PHF14: variants seen among roughly 807,000 people sequenced by gnomAD.
The protein encoded by PHF14 is PHD finger protein 14.
A neutral mutation model predicts 117.9 loss-of-function variants in PHF14; 55 were observed. The ratio of observed to expected loss-of-function variants is 0.47; its 90% CI spans 0.38 to 0.58. The LOEUF (loss-of-function observed/expected upper bound fraction) is 0.58, where lower values mean the gene tolerates loss of function less well. Among genes scored for constraint, PHF14 ranks in the 20% least tolerant of loss-of-function variants. The probability of loss-of-function intolerance (pLI) is 0.00; values close to 1 mark genes in which losing one functional copy is unlikely to be tolerated. For synonymous variants in PHF14, 409 were observed against 368.6 expected, an observed-to-expected ratio of 1.11 and a Z score of -1.26; for missense variants, 978 against 1,122.2, an observed-to-expected ratio of 0.87 and a Z score of 1.84.
chr7:11,020,238 G>A (rs558544683), intron 5 of PHF14, among the ~76,000 whole-genome samples: 2 of 151,982 alleles, frequency 1.3e-5, no homozygotes, highest in South Asian at 2.1e-4. Context: ...ATAGGTGTGC[G>A]CCACCACACC....
chr7:11,110,214 A>G (rs1040952191), intron 16 of PHF14: 1 of 151,874 alleles, frequency 6.6e-6, no homozygotes, highest in Non-Finnish European at 1.5e-5. Flanking sequence ...AGGTTATTGA[A>G]TAGTAGTTTT....
chr7:11,070,962 CTT>C (rs1785596394), intron 16 of PHF14, among the ~76,000 whole-genome samples: 3 of 152,116 alleles, frequency 2.0e-5, no homozygotes, highest in Admixed American at 2.0e-4. Context: ...AATATAAAAA[CTT>C]TTAAAATTAC....
At chr7:11,165,795 T>G (rs188754910) in intron 17 of PHF14, among the ~76,000 whole-genome samples, 132 of 152,304 alleles carry the variant, frequency 8.7e-4, no homozygotes, top group African/African-American at 2.9e-3. Context: ...TATCACAAAT[T>G]GATAGTGCAA....
chr7:11,169,431 G>T lies in PHF14; in HGVS notation c.2788G>T (p.Ala930Ser), dbSNP rs371122029. The change falls in exon 18 of 18, where the codon GCT becomes TCT. Residue 930 changes from alanine (A) to serine (S), a missense_variant. By Grantham distance (99) the Ala-to-Ser change is moderately conservative. Coordinates refer to ENST00000634607, the MANE Select transcript of PHF14 (RefSeq NM_001007157.2). Reference protein sequence around the residue: ...SSSSKEDENEAERKNISQELN... With the variant: ...SSSSKEDENESERKNISQELN... Reference sequence around the variant, plus strand: ...TATTTCACAGGAAGATGAAAATGAAGCTGAAAGAAAAAATATATCTCAGGA... The same window carrying T: ...TATTTCACAGGAAGATGAAAATGAATCTGAAAGAAAAAATATATCTCAGGA... 5.4e-6 allele frequency: 8 copies of T among 1,471,298 alleles called. No homozygotes were observed. The highest frequency in any genetic ancestry group is 7.4e-6 in the Non-Finnish European group (8 of 1,078,308). The allele number at this position is 1,471,298 out of a possible 1,614,324, so 91.1% of individuals were successfully genotyped here.
intron 14 of PHF14, 90 bp from the exon 15 acceptor site, chr7:11,061,701 T>C: frequency 1.9e-6 from 2 of 1,026,980 alleles, no homozygotes; most frequent in South Asian, 2.6e-5. Flanking sequence ...AGCAATAACA[T>C]TTAACAGAGG....
chr7:10,992,532 T>A (rs1403576563), intron 4 of PHF14, among the ~76,000 whole-genome samples: 1 of 151,616 alleles, frequency 6.6e-6, no homozygotes, highest in African/African-American at 2.4e-5. Flanking sequence ...GCGTGGTGGC[T>A]TATACCTGTA....
intron 17 of PHF14, among the ~76,000 whole-genome samples, chr7:11,168,441 TTATA>T (rs1789274320): frequency 6.6e-6 from 1 of 152,344 alleles, no homozygotes; most frequent in East Asian, 1.9e-4. Flanking sequence ...TGCTTTTACT[TTATA>T]AAGTCAATTC....
rs149209243 is a variant in PHF14, at chr7:10,987,750, C to T, written c.901-2953C>T. Among the ~76,000 whole-genome samples the T allele has an allele frequency of 5.8e-3, 878 of 151,886 alleles. 1 individual carries two copies. The highest frequency in any genetic ancestry group is 8.8e-3 in the Non-Finnish European group (597 of 67,922). ...TCAGCTTAACTACTTTCTCTGAAACCTTGAAAGATGATATACGTCTTCAGA... is the reference window on the plus strand; with the variant it reads ...TCAGCTTAACTACTTTCTCTGAAACTTTGAAAGATGATATACGTCTTCAGA... On this transcript the variant is annotated intron_variant, in intron 3 of 17. Transcript: ENST00000634607.
At chr7:10,998,877 A>C (rs184918777) in intron 4 of PHF14, among the ~76,000 whole-genome samples, 1 of 152,286 alleles carries the variant, frequency 6.6e-6, no homozygotes, top group East Asian at 1.9e-4. Flanking sequence ...TTCTTAAGTC[A>C]TTCTTAGGTC....
Position 11,163,978 on chromosome 7 carries a change from A to G in PHF14, c.2773-5438A>G, listed in dbSNP as rs537139120. ...CCCTAAAAGCTATATATGTATTCTT[A>G]CACTTTTAAAAGAAACATTATTAAA... On this transcript the variant is annotated intron_variant, in intron 17 of 17. Coordinates refer to ENST00000634607, the MANE Select transcript of PHF14 (RefSeq NM_001007157.2). Among the ~76,000 whole-genome samples the G allele has an allele frequency of 5.9e-5, 9 of 152,332 alleles. No individual in the cohort carries two copies. The South Asian group carries it at 1.7e-3, about 28-fold the overall frequency.
rs1013650811 is a variant in PHF14, at chr7:11,027,142, T to A, written c.1318-1539T>A. ...TGAAATCCCTTGCTCAATTTCAACA[T>A]ATTACATGAAATTATCCAGATAATC... On this transcript the variant is annotated intron_variant, in intron 6 of 17. Coordinates refer to ENST00000634607, the MANE Select transcript of PHF14 (RefSeq NM_001007157.2). 5.9e-5 allele frequency among the ~76,000 whole-genome samples: 9 copies of A among 152,200 alleles called. No homozygotes were observed. In the East Asian group the frequency reaches 1.7e-3, roughly 29 times the overall value.
At chr7:11,104,470 T>G in intron 16 of PHF14, 1 of 979,042 alleles carries the variant, frequency 1.0e-6, no homozygotes, top group Non-Finnish European at 1.2e-6. Context: ...AGGAGAAAAT[T>G]GATGTGTGCT....
intron 16 of PHF14, among the ~76,000 whole-genome samples, chr7:11,065,041 G>A (rs1305945174): frequency 6.6e-6 from 1 of 152,010 alleles, no homozygotes; most frequent in Non-Finnish European, 1.5e-5. Flanking sequence ...GTCAGAAAAT[G>A]TACATGTCCT....
chr7:11,018,971 C>G (rs781465492), intron 5 of PHF14, among the ~76,000 whole-genome samples: 1 of 152,078 alleles, frequency 6.6e-6, no homozygotes, highest in Non-Finnish European at 1.5e-5. Flanking sequence ...TTATTAAATG[C>G]TTTTTCAGCA....
intron 2 of PHF14, among the ~76,000 whole-genome samples, chr7:10,979,827 T>G (rs1781993612): frequency 1.3e-5 from 2 of 152,100 alleles, no homozygotes; most frequent in South Asian, 4.1e-4. Context: ...AAAGATAAAA[T>G]TTGATATATT....
At chr7:11,104,022 C>T in intron 16 of PHF14, 1 of 985,006 alleles carries the variant, frequency 1.0e-6, no homozygotes, top group South Asian at 4.7e-5. Flanking sequence ...AGCAAAATGA[C>T]AGATTGCCAT....
intron 14 of PHF14, among the ~76,000 whole-genome samples, chr7:11,057,164 A>G (rs1244455784): frequency 1.3e-5 from 2 of 152,154 alleles, no homozygotes; most frequent in Non-Finnish European, 2.9e-5. Context: ...TAGTTTACTG[A>G]TATCAAAGAT....
At chr7:11,019,421 T>C (rs1005380108) in intron 5 of PHF14, among the ~76,000 whole-genome samples, 1 of 152,184 alleles carries the variant, frequency 6.6e-6, no homozygotes. Context: ...TCTCGTTACT[T>C]GTTATTGGTC....
At chr7:11,149,884 C>G (rs566588585) in intron 17 of PHF14, among the ~76,000 whole-genome samples, 9 of 151,918 alleles carry the variant, frequency 5.9e-5, no homozygotes, top group East Asian at 3.9e-4. Flanking sequence ...TACTTCATAT[C>G]TTTCTCTTTT....
Sources: allele counts gnomAD v4.1 joint callset (sites outside exome capture counted in the v4.1 genomes callset), GRCh38; gene constraint gnomAD v4.1.1; transcripts MANE v1.5; gene names NCBI Gene and HGNC (gene_info 2026-07-23, HGNC 2026-07-21).